The following BTF3 variants were observed in gnomAD, a reference collection of about 807,000 sequenced individuals.
The protein encoded by BTF3 is transcription factor BTF3.
In BTF3, 12 loss-of-function variants were observed where a neutral mutation model predicts 23.9. That is an observed-to-expected ratio of 0.50 (90% CI 0.32 to 0.81). The LOEUF (loss-of-function observed/expected upper bound fraction) is 0.81. Among genes scored for constraint, BTF3 ranks in the 40% least tolerant of loss-of-function variants. BTF3 has a pLI of 0.03. For missense variants in BTF3, 215 were observed against 255.9 expected (o/e 0.84, Z 1.09); for synonymous variants, 96 against 94.8 (o/e 1.01, Z -0.07).
chr5:73,502,288 T>C (rs1261292188), intron 2 of BTF3, among the ~76,000 whole-genome samples, 200 bp from the exon 3 acceptor site: 1 of 152,236 alleles, frequency 6.6e-6, no homozygotes, highest in African/African-American at 2.4e-5. Flanking sequence ...AGTAGAACTT[T>C]GAAAAGATCA....
chr5:73,498,767 C>T lies in BTF3; in HGVS notation c.100C>T (p.Pro34Ser), dbSNP rs911238120. The change falls in exon 1 of 6, where the codon CCT becomes TCT. Residue 34 changes from proline to serine, a missense_variant. Coordinates refer to ENST00000380591, the MANE Select transcript of BTF3 (RefSeq NM_001037637.2). ...GGEATLSQPP[P>S]RGGTRGQEPQ... is the part of the protein sequence containing the mutation. ...CGAGGCGACGCTGTCTCAACCTCCA[C>T]CTCGCGGCGGAACCCGAGGACAGGA... 1.5e-5 allele frequency: 23 copies of T among 1,502,830 alleles called. No individual in the cohort carries two copies. The highest frequency in any genetic ancestry group is 3.7e-5 in the South Asian group (3 of 80,500). The allele number at this position is 1,502,830 out of a possible 1,614,324, so 93.1% of individuals were successfully genotyped here. A position where few individuals can be genotyped will look rare whatever the true frequency, so the allele number is the denominator to read the frequency against.
intron 2 of BTF3, 28 bp downstream of exon 2, chr5:73,499,230 GTT>G: frequency 6.9e-7 from 1 of 1,456,848 alleles, no homozygotes; most frequent in Non-Finnish European, 9.4e-7. Context: ...GGGTTTGTGG[GTT>G]TTTTTTTTAA....
At position 73,498,761 on chromosome 5, in the gene BTF3, C is replaced by T. The variant is rs1309824236; in HGVS notation, c.94C>T (p.Pro32Ser). 1.1e-5 allele frequency: 17 copies of T among 1,501,972 alleles called. No homozygotes were observed. Among genetic ancestry groups the T allele is most frequent in the Non-Finnish European group, 1.3e-5 (15 of 1,135,588 alleles). The allele number at this position is 1,501,972 out of a possible 1,614,324, so 93.0% of individuals were successfully genotyped here. ...TGGGGGCGAGGCGACGCTGTCTCAA[C>T]CTCCACCTCGCGGCGGAACCCGAGG... ...CPGGEATLSQPPPRGGTRGQE... is the reference protein window; with the variant it reads ...CPGGEATLSQSPPRGGTRGQE... Residue 32 changes from proline to serine, a missense_variant, in exon 1 of 6, where the codon CCT (proline) becomes TCT (serine). This residue lies in a region of BTF3 where 116 missense variants were observed against 84.7 expected (regional missense o/e 1.37). Transcript: ENST00000380591.
intron 5 of BTF3, chr5:73,504,677 A>G (rs1403227692): frequency 2.1e-5 from 5 of 242,702 alleles, no homozygotes; most frequent in Non-Finnish European, 3.9e-5. Flanking sequence ...AAATATAACT[A>G]TTACCTGCAG....
At chr5:73,498,929 G>A (rs1189727219) in intron 1 of BTF3, 130 bp downstream of exon 1, 2 of 1,327,660 alleles carry the variant, frequency 1.5e-6, no homozygotes, top group South Asian at 2.9e-5. Context: ...TGCCAAGAGC[G>A]GGGAGCTGTG....
intron 2 of BTF3, 123 bp from the exon 3 acceptor site, chr5:73,502,365 T>C (rs535254246): frequency 2.1e-4 from 138 of 646,648 alleles, no homozygotes; most frequent in African/African-American, 2.1e-3. Flanking sequence ...CATAAGTTTA[T>C]GATTATGGTA....
chr5:73,505,244 G>C lies in BTF3; in HGVS notation c.*6G>C. On this transcript the variant is annotated 3_prime_UTR_variant, in exon 6 of 6. Transcript: ENST00000380591. The stretch of plus-strand genomic sequence containing the variant: ...CCAAGAATGAGGCAAACTGAATTGA[G>C]TCAACTTCTGAAGATAAAACCTGAA... The C allele has an allele frequency of 6.2e-7, 1 of 1,608,164 alleles. No homozygotes were observed. Among genetic ancestry groups the C allele is most frequent in the East Asian group, 2.2e-5 (1 of 44,788 alleles).
intron 2 of BTF3, 54 bp downstream of exon 2, chr5:73,499,256 T>A: frequency 6.4e-7 from 1 of 1,555,288 alleles, no homozygotes; most frequent in South Asian, 1.1e-5. Flanking sequence ...TTAGGTATTT[T>A]AAAAAACATA....
At chr5:73,499,079 T>C (rs1294961660) in intron 1 of BTF3, 55 bp from the exon 2 acceptor site, 10 of 1,523,424 alleles carry the variant, frequency 6.6e-6, no homozygotes, top group East Asian at 4.5e-5. Flanking sequence ...ATAACGAGCA[T>C]GGAATGCTAG....
chr5:73,504,452 A>C (rs1319542696), intron 5 of BTF3, 49 bp downstream of exon 5: 1 of 1,511,928 alleles, frequency 6.6e-7, no homozygotes, highest in Admixed American at 1.9e-5. Flanking sequence ...GCAAGGGAGA[A>C]TAAGAAATCT....
At position 73,502,909 on chromosome 5, in the gene BTF3, T is replaced by C. The variant is rs1174207228; in HGVS notation, c.316-7T>C. 8 of 1,611,238 alleles carry C rather than the reference T, an allele frequency of 5.0e-6. No individual in the cohort carries two copies. The highest frequency in any genetic ancestry group is 2.2e-4 in the Middle Eastern group (1 of 4,626). The stretch of plus-strand genomic sequence containing the variant: ...ATTGCTAATTTAAATTTTTCTTTTC[T>C]TAATAGGTGAATATGTTTACAAACC... On this transcript the variant is annotated splice_region_variant and splice_polypyrimidine_tract_variant and intron_variant, in intron 3 of 5. Coordinates refer to ENST00000380591, the MANE Select transcript of BTF3 (RefSeq NM_001037637.2).
intron 2 of BTF3, 80 bp downstream of exon 2, chr5:73,499,282 T>C (rs957843817): frequency 1.4e-6 from 2 of 1,455,392 alleles, no homozygotes; most frequent in Admixed American, 3.6e-5. Flanking sequence ...TTTGCGCTTC[T>C]TATATTATCG....
chr5:73,504,565 T>C, intron 5 of BTF3, 162 bp downstream of exon 5: 2 of 515,634 alleles, frequency 3.9e-6, no homozygotes, highest in Admixed American at 3.9e-5. Context: ...TTGAGAATTA[T>C]GTTTATAGAC....
At chr5:73,500,222 A>T (rs1746403288) in intron 2 of BTF3, among the ~76,000 whole-genome samples, 1 of 152,202 alleles carries the variant, frequency 6.6e-6, no homozygotes. Context: ...CACATTTAAC[A>T]ACATTAGATG....
intron 2 of BTF3, among the ~76,000 whole-genome samples, chr5:73,500,322 T>C (rs538801689): frequency 1.3e-5 from 2 of 152,330 alleles, no homozygotes; most frequent in South Asian, 2.1e-4. Context: ...GTTTGGATGC[T>C]CTTATATTGG....
chr5:73,503,169 T>C (rs751197960), intron 4 of BTF3, 52 bp downstream of exon 4: 82 of 1,580,470 alleles, frequency 5.2e-5, no homozygotes, highest in Non-Finnish European at 6.6e-5. Flanking sequence ...TAGCAGCTGA[T>C]TTCTGATCTC....
intron 1 of BTF3, 120 bp from the exon 2 acceptor site, chr5:73,499,014 G>A (rs1172679408): frequency 7.8e-7 from 1 of 1,282,906 alleles, no homozygotes; most frequent in African/African-American, 1.5e-5. Flanking sequence ...GGTGGATTTG[G>A]GATCCAGGTT....
intron 2 of BTF3, 29 bp from the exon 3 acceptor site, chr5:73,502,459 G>A (rs1561254574): frequency 6.6e-7 from 1 of 1,517,192 alleles, no homozygotes; most frequent in Non-Finnish European, 8.9e-7. Flanking sequence ...TAAATGTGCT[G>A]TTTTCTTTCC....
At position 73,505,209 on chromosome 5, in the gene BTF3, G is replaced by A; in HGVS notation, c.592G>A (p.Asp198Asn). Residue 198 changes from aspartate (D) to asparagine (N), a missense_variant, in exon 6 of 6, where the codon GAT becomes AAT. Physicochemically the swap from Asp to Asn is conservative, Grantham distance 23 (BLOSUM62 1). Transcript: ENST00000380591. ...DEVPDLVENF[D>N]EASKNEAN is the part of the protein sequence containing the mutation. ...TTTCCTAGATCTTGTGGAGAATTTT[G>A]ATGAGGCTTCCAAGAATGAGGCAAA... is the stretch of plus-strand genomic sequence containing the variant. 6.2e-7 allele frequency: 1 copy of A among 1,609,694 alleles called. No individual in the cohort carries two copies. The highest frequency in any genetic ancestry group is 8.5e-7 in the Non-Finnish European group (1 of 1,179,270).
Sources: allele counts gnomAD v4.1 joint callset (sites outside exome capture counted in the v4.1 genomes callset), GRCh38; gene constraint gnomAD v4.1.1; regional missense constraint gnomAD v4.1.1; transcripts MANE v1.5; gene names NCBI Gene and HGNC (gene_info 2026-07-23, HGNC 2026-07-21).